Variants in GAB2 observed in about 807,000 individuals in gnomAD.
The protein encoded by GAB2 is GRB2 associated binding protein 2.
Under a neutral mutation model 65.5 loss-of-function variants are expected in GAB2, and 26 were observed. The ratio of observed to expected loss-of-function variants is 0.40; its 90% CI spans 0.29 to 0.55. The LOEUF is 0.55. Among genes scored for constraint, GAB2 ranks in the 20% least tolerant of loss-of-function variants. GAB2 has a pLI of 0.53. For synonymous variants in GAB2, 321 were observed against 329.6 expected (o/e 0.97, Z 0.28); for missense variants, 884 against 875.8 (o/e 1.01, Z -0.12).
intron 1 of GAB2, among the ~76,000 whole-genome samples, chr11:78,318,387 G>C (rs1010880028): frequency 8.4e-5 from 2 of 23,818 alleles, no homozygotes; most frequent in African/African-American, 2.9e-4. Context: ...AAAAAAAAAA[G>C]CTGTGAAAAG....
chr11:78,414,660 C>T (rs992234071), intron 1 of GAB2, among the ~76,000 whole-genome samples: 1 of 152,064 alleles, frequency 6.6e-6, no homozygotes, highest in Non-Finnish European at 1.5e-5. Flanking sequence ...TCAGGATGCC[C>T]CAGAGGCAAT....
chr11:78,390,921 G>A (rs1856826518), intron 1 of GAB2, among the ~76,000 whole-genome samples: 2 of 152,310 alleles, frequency 1.3e-5, no homozygotes, highest in South Asian at 4.1e-4. Context: ...CAATAACGCA[G>A]ATGAAATCCC....
intron 1 of GAB2, among the ~76,000 whole-genome samples, chr11:78,396,401 T>C (rs979061118): frequency 4.6e-5 from 7 of 152,238 alleles, no homozygotes; most frequent in African/African-American, 1.7e-4. Flanking sequence ...CATATATAAT[T>C]GTGGGAGAGC....
At position 78,417,808 on chromosome 11, in the gene GAB2, C is replaced by T. The variant is rs1008704771; in HGVS notation, c.-88G>A. Reference sequence around the variant, plus strand: ...GCAGCGGCCGGCGGTGCGCAGCTCGCGGGAGGCCAGGGGCGGGGCGGGCGG... The same window carrying T: ...GCAGCGGCCGGCGGTGCGCAGCTCGTGGGAGGCCAGGGGCGGGGCGGGCGG... On this transcript the variant is annotated 5_prime_UTR_variant, in exon 1 of 10. Coordinates refer to ENST00000361507, the MANE Select transcript of GAB2 (RefSeq NM_080491.3). 158 of 660,584 alleles carry T rather than the reference C, an allele frequency of 2.4e-4. No individual in the cohort carries two copies. The African/African-American group carries it at 2.5e-3, about 10-fold the overall frequency. 40.9% of individuals were successfully genotyped at this position (660,584 alleles called of 1,614,324 possible).
chr11:78,382,051 TA>T (rs1856704404), intron 1 of GAB2, among the ~76,000 whole-genome samples: 1 of 152,234 alleles, frequency 6.6e-6, no homozygotes, highest in Non-Finnish European at 1.5e-5. Flanking sequence ...TCCCTTTGGC[TA>T]AAAGACCTTT....
chr11:78,402,105 C>T (rs552995352), intron 1 of GAB2, among the ~76,000 whole-genome samples: 1 of 152,326 alleles, frequency 6.6e-6, no homozygotes, highest in East Asian at 1.9e-4. Flanking sequence ...TTACTTACCT[C>T]TCCAGCTTCA....
At chr11:78,252,050 G>T (rs1865470164) in intron 2 of GAB2, among the ~76,000 whole-genome samples, 1 of 152,210 alleles carries the variant, frequency 6.6e-6, no homozygotes, top group South Asian at 2.1e-4. Context: ...TAACGTTGTG[G>T]TGGTGTTGAT....
intron 1 of GAB2, among the ~76,000 whole-genome samples, chr11:78,353,040 A>G (rs544926529): frequency 6.6e-6 from 1 of 152,324 alleles, no homozygotes; most frequent in African/African-American, 2.4e-5. Context: ...ATGCAAGACC[A>G]GTAGTCCTCA....
At chr11:78,346,200 A>G (rs1856176233) in intron 1 of GAB2, among the ~76,000 whole-genome samples, 1 of 152,184 alleles carries the variant, frequency 6.6e-6, no homozygotes, top group Non-Finnish European at 1.5e-5. Context: ...TTTGAAATCA[A>G]ACTGCCCGGA....
intron 1 of GAB2, among the ~76,000 whole-genome samples, chr11:78,389,456 G>A (rs1335593026): frequency 1.3e-5 from 2 of 152,032 alleles, no homozygotes; most frequent in Non-Finnish European, 2.9e-5. Flanking sequence ...ACAGGCATGT[G>A]CCACCACACC....
chr11:78,406,048 G>C (rs1389193018), intron 1 of GAB2, among the ~76,000 whole-genome samples: 1 of 152,198 alleles, frequency 6.6e-6, no homozygotes, highest in East Asian at 1.9e-4. Context: ...GAGGCCAGGT[G>C]ACACCTGCTA....
Position 78,216,474 on chromosome 11 carries a change from T to G in GAB2, c.*2798A>C, listed in dbSNP as rs1455238853. On this transcript the variant is annotated 3_prime_UTR_variant, in exon 10 of 10. Transcript: ENST00000361507. ...GGGATATGCTAGATACGGCTGGTAGTTTGGGGCCTGTGAGCCAGAGCTTTG... is the reference window on the plus strand; with the variant it reads ...GGGATATGCTAGATACGGCTGGTAGGTTGGGGCCTGTGAGCCAGAGCTTTG... 1 of 152,104 alleles carries G rather than the reference T, an allele frequency of 6.6e-6. No individual in the cohort carries two copies. The highest frequency in any genetic ancestry group is 2.4e-5 in the African/African-American group (1 of 41,398). The allele number at this position is 152,104 out of a possible 1,614,324, so 9.4% of individuals were successfully genotyped here. A position where few individuals can be genotyped will look rare whatever the true frequency, so the allele number is the denominator to read the frequency against.
intron 1 of GAB2, among the ~76,000 whole-genome samples, chr11:78,300,532 C>CAAAAAAA (rs1255395653): frequency 7.9e-6 from 1 of 126,368 alleles, no homozygotes; most frequent in African/African-American, 2.6e-5. Flanking sequence ...AACAAAAAAA[C>CAAAAAAA]AAAAAACTAC....
intron 1 of GAB2, among the ~76,000 whole-genome samples, chr11:78,414,056 C>A (rs1423359986): frequency 7.2e-6 from 1 of 138,374 alleles, no homozygotes; most frequent in East Asian, 2.1e-4. Flanking sequence ...CATTGCACTC[C>A]AGCCTAGGCA....
At chr11:78,354,737 T>C (rs1380334073) in intron 1 of GAB2, among the ~76,000 whole-genome samples, 1 of 152,206 alleles carries the variant, frequency 6.6e-6, no homozygotes, top group Non-Finnish European at 1.5e-5. Flanking sequence ...ATCTGACCTT[T>C]TCCTGTGCTG....
At chr11:78,262,965 A>T (rs1472554187) in intron 2 of GAB2, among the ~76,000 whole-genome samples, 1 of 152,208 alleles carries the variant, frequency 6.6e-6, no homozygotes, top group Non-Finnish European at 1.5e-5. Flanking sequence ...GGCTGCATAT[A>T]TACTACAACA....
Position 78,253,004 on chromosome 11 carries a change from C to CTTTTTTTT in GAB2, c.377-2612_377-2605dup, listed in dbSNP as rs984989129. Among the ~76,000 whole-genome samples, 98 of 106,966 alleles carry CTTTTTTTT rather than the reference C, an allele frequency of 9.2e-4. 2 individuals carry two copies. The highest frequency in any genetic ancestry group is 3.3e-3 in the African/African-American group (80 of 23,972). 70.2% of individuals were successfully genotyped at this position (106,966 alleles called of 152,430 possible). On this transcript the variant is annotated intron_variant, in intron 2 of 9. Coordinates refer to ENST00000361507, the MANE Select transcript of GAB2 (RefSeq NM_080491.3). The stretch of plus-strand genomic sequence containing the variant: ...CTCAGATGACTTACAAATATCTTTC[C>CTTTTTTTT]TTTTTTTTTTTTTTTTTTTTTTGTG...
rs1864461281 is a variant in GAB2, at chr11:78,222,190, G to C, written c.1573C>G (p.Pro525Ala). 6.2e-7 allele frequency: 1 copy of C among 1,612,016 alleles called. No individual in the cohort carries two copies. The highest frequency in any genetic ancestry group is 1.7e-5 in the Admixed American group (1 of 60,008). The change falls in exon 7 of 10, where the codon CCA becomes GCA. Residue 525 changes from proline to alanine, a missense_variant. Pro to Ala is a conservative substitution (Grantham distance 27). Transcript: ENST00000361507. ...TTGTTCCTCAGGTCAAGTGGTGTTGGCTTTGCTGGAGCAGGAAAAGAAAGT... is the reference window on the plus strand; with the variant it reads ...TTGTTCCTCAGGTCAAGTGGTGTTGCCTTTGCTGGAGCAGGAAAAGAAAGT... ...RNLKPDRKAK[P>A]TPLDLRNNTV...
chr11:78,304,087 T>C (rs1488569449), intron 1 of GAB2, among the ~76,000 whole-genome samples: 3 of 152,056 alleles, frequency 2.0e-5, no homozygotes, highest in Non-Finnish European at 4.4e-5. Flanking sequence ...GCTCTTCAGA[T>C]TTTTTGCTTT....
Sources: gnomAD v4.1 joint callset for allele counts (sites outside exome capture counted in the v4.1 genomes callset) on GRCh38, gnomAD v4.1.1 for gene constraint, MANE v1.5 for transcripts, NCBI Gene and HGNC (gene_info 2026-07-23, HGNC 2026-07-21) for gene names.